Variants in CCDC102B observed in about 807,000 individuals in gnomAD.
CCDC102B encodes the protein coiled-coil domain-containing protein 102B.
CCDC102B carries 75 observed loss-of-function variants against 57.4 expected under a neutral mutation model. The ratio of observed to expected loss-of-function variants is 1.31; its 90% CI spans 1.08 to 1.58. CCDC102B has a LOEUF of 1.58. Among genes scored for constraint, CCDC102B ranks in the 40% most tolerant of loss-of-function variants. The pLI is 0.00. For missense variants in CCDC102B, 636 were observed against 582.6 expected, an observed-to-expected ratio of 1.09 and a Z score of -0.94; for synonymous variants, 206 against 201.9, an observed-to-expected ratio of 1.02 and a Z score of -0.17.
intron 6 of CCDC102B, among the ~76,000 whole-genome samples, chr18:68,907,150 T>C (rs1173901212): frequency 1.3e-5 from 2 of 152,202 alleles, no homozygotes; most frequent in Non-Finnish European, 2.9e-5. Context: ...TATTTTGGTG[T>C]CAATTCTATT....
intron 2 of CCDC102B, among the ~76,000 whole-genome samples, chr18:68,757,514 C>T (rs190404192): frequency 2.0e-4 from 30 of 152,094 alleles, no homozygotes; most frequent in African/African-American, 6.7e-4. Context: ...CTTAAAAAAA[C>T]AGGTAATGCT....
chr18:68,888,153 C>T (rs920374223), intron 5 of CCDC102B, among the ~76,000 whole-genome samples: 1 of 151,758 alleles, frequency 6.6e-6, no homozygotes, highest in African/African-American at 2.4e-5. Context: ...TTTTAAAGAA[C>T]ATAGATAAGG....
chr18:68,987,620 A>T (rs1182789862), intron 6 of CCDC102B, among the ~76,000 whole-genome samples: 1 of 152,192 alleles, frequency 6.6e-6, no homozygotes, highest in Non-Finnish European at 1.5e-5. Flanking sequence ...TAGACCACCT[A>T]CAGAATGGGA....
At chr18:68,782,701 A>G (rs1478928005) in intron 2 of CCDC102B, among the ~76,000 whole-genome samples, 2 of 152,206 alleles carry the variant, frequency 1.3e-5, no homozygotes, top group African/African-American at 4.8e-5. Context: ...GATTAACCAA[A>G]ACTAAATGAA....
At chr18:68,842,780 G>A (rs2037693635) in intron 3 of CCDC102B, among the ~76,000 whole-genome samples, 1 of 152,106 alleles carries the variant, frequency 6.6e-6, no homozygotes, top group Non-Finnish European at 1.5e-5. Flanking sequence ...GATTTTGATG[G>A]CTTTCTCATC....
intron 4 of CCDC102B, among the ~76,000 whole-genome samples, chr18:68,854,249 C>T (rs2038280711): frequency 1.3e-5 from 2 of 151,750 alleles, no homozygotes; most frequent in Admixed American, 6.6e-5. Flanking sequence ...TACAGGTGCC[C>T]GCCACCACAC....
chr18:68,715,323 G>A, exon 1 of CCDC102B: 2 of 1,093,154 alleles, frequency 1.8e-6, no homozygotes, highest in Non-Finnish European at 2.3e-6. Flanking sequence ...GCGCGTTTCC[G>A]GGAAGGTGAA....
intron 6 of CCDC102B, among the ~76,000 whole-genome samples, chr18:68,999,035 G>T (rs2051127573): frequency 8.7e-6 from 1 of 115,214 alleles, no homozygotes. Flanking sequence ...GAGAGAGAGA[G>T]AGTCATTATC....
chr18:68,974,937 T>C (rs1019509282), intron 6 of CCDC102B, among the ~76,000 whole-genome samples: 1 of 152,014 alleles, frequency 6.6e-6, no homozygotes. Context: ...ATAGGCTTTT[T>C]TAAATATACA....
chr18:69,022,193 CTATA>C (rs57226048), intron 7 of CCDC102B, among the ~76,000 whole-genome samples: 2 of 142,042 alleles, frequency 1.4e-5, no homozygotes, highest in African/African-American at 5.7e-5. Context: ...ATCCTTTAGC[CTATA>C]TATATATATA....
intron 6 of CCDC102B, among the ~76,000 whole-genome samples, chr18:68,933,224 C>A (rs1408147307): frequency 6.6e-6 from 1 of 151,828 alleles, no homozygotes; most frequent in East Asian, 1.9e-4. Context: ...GGCTGGCTGA[C>A]TCTAACAATG....
intron 6 of CCDC102B, among the ~76,000 whole-genome samples, chr18:69,010,164 C>G (rs2116269): frequency 0.99 from 139,214 of 140,742 alleles, 68,879 homozygotes; most frequent in East Asian, 1. Flanking sequence ...GGATGGTCTC[C>G]ATCTTCTGAC....
chr18:68,735,091 A>T (rs1209081036), intron 2 of CCDC102B, among the ~76,000 whole-genome samples: 1 of 152,168 alleles, frequency 6.6e-6, no homozygotes, highest in Admixed American at 6.5e-5. Context: ...TTGCTCTGTC[A>T]CCTAGGCTGG....
At position 68,837,042 on chromosome 18, in the gene CCDC102B, G is replaced by A. The variant is rs1027828647; in HGVS notation, c.279G>A (p.Arg93=). 1.9e-6 allele frequency: 3 copies of A among 1,614,074 alleles called. No individual in the cohort carries two copies. The highest frequency in any genetic ancestry group is 1.3e-5 in the African/African-American group (1 of 74,932). The part of the protein sequence containing the change: ...ARAAQMEKTM[R]WWSDCTANWR... ...CTGCTCAGATGGAAAAGACCATGCG[G>A]TGGTGGTCGGACTGCACTGCCAACT... Residue 93 remains arginine, a synonymous_variant, in exon 2 of 8, where the codon CGG becomes CGA. Coordinates refer to ENST00000360242, the MANE Select transcript of CCDC102B (RefSeq NM_024781.3).
Position 68,905,784 on chromosome 18 carries a change from C to CTTTTTTTTTTTT in CCDC102B, c.1263+8372_1263+8383dup, listed in dbSNP as rs35808828. ...GTGATATATAATCTTTTATGTCTGG[C>CTTTTTTTTTTTT]TTTTTTTTTTTTTTTTTTTTTTTTT... On this transcript the variant is annotated intron_variant, in intron 6 of 7. Transcript: ENST00000360242. Among the ~76,000 whole-genome samples, 48 of 70,464 alleles carry CTTTTTTTTTTTT rather than the reference C, an allele frequency of 6.8e-4. 3 individuals are homozygous for CTTTTTTTTTTTT. Among genetic ancestry groups the CTTTTTTTTTTTT allele is most frequent in the East Asian group, 6.1e-3 (11 of 1,814 alleles). The allele number at this position is 70,464 out of a possible 152,430, so 46.2% of individuals were successfully genotyped here.
In CCDC102B at chr18:68,911,620, C is replaced by T. The variant is rs548892929; in HGVS notation, c.1263+14192C>T. Among the ~76,000 whole-genome samples the T allele has an allele frequency of 1.2e-3, 186 of 149,180 alleles. 2 individuals carry two copies. The highest frequency in any genetic ancestry group is 3.9e-3 in the African/African-American group (156 of 40,032). On this transcript the variant is annotated intron_variant, in intron 6 of 7. Transcript: ENST00000360242. Reference sequence around the variant, plus strand: ...ACAAAAAATTAGCCGGGCGTGGTGGCGGGCGCCTGTAGTCCCAGCTACTCG... The same window carrying T: ...ACAAAAAATTAGCCGGGCGTGGTGGTGGGCGCCTGTAGTCCCAGCTACTCG...
intron 7 of CCDC102B, among the ~76,000 whole-genome samples, chr18:69,015,242 T>C (rs1343281894): frequency 6.6e-6 from 1 of 152,220 alleles, no homozygotes; most frequent in African/African-American, 2.4e-5. Context: ...CAAAACCTTA[T>C]AATTTTCTGT....
In CCDC102B at chr18:68,997,174, A is replaced by T. The variant is rs1180960569; in HGVS notation, c.1264-13760A>T. On this transcript the variant is annotated intron_variant, in intron 6 of 7. Coordinates refer to ENST00000360242, the MANE Select transcript of CCDC102B (RefSeq NM_024781.3). ...CCCCAGCCATGCTGAATTGTGAGTCAATTAAACCTCTTTTCTTCATAAATT... is the reference window on the plus strand; with the variant it reads ...CCCCAGCCATGCTGAATTGTGAGTCTATTAAACCTCTTTTCTTCATAAATT... Among the ~76,000 whole-genome samples, 5 of 152,172 alleles carry T rather than the reference A, an allele frequency of 3.3e-5. No homozygotes were observed. In the East Asian group the frequency reaches 9.6e-4, roughly 29 times the overall value.
intron 7 of CCDC102B, among the ~76,000 whole-genome samples, chr18:69,026,457 C>CA (rs547625543): frequency 0.047 from 3,502 of 74,672 alleles, 109 homozygotes; most frequent in African/African-American, 0.1. Flanking sequence ...AACCCTGTCT[C>CA]AAAAAAAAAA....
Sources: gnomAD v4.1 joint callset for allele counts (sites outside exome capture counted in the v4.1 genomes callset) on GRCh38, gnomAD v4.1.1 for gene constraint, MANE v1.5 for transcripts, NCBI Gene and HGNC (gene_info 2026-07-23, HGNC 2026-07-21) for gene names.